Variants in SEMA5A observed in about 807,000 individuals in gnomAD.
SEMA5A encodes the protein semaphorin-5A.
A neutral mutation model predicts 135.5 loss-of-function variants in SEMA5A; 55 were observed. That is an observed-to-expected ratio of 0.41 (90% CI 0.33 to 0.51). The LOEUF (loss-of-function observed/expected upper bound fraction) is 0.51, where lower values mean the gene tolerates loss of function less well. Among genes scored for constraint, SEMA5A ranks in the 20% least tolerant of loss-of-function variants. SEMA5A has a pLI of 0.37. For synonymous variants in SEMA5A, 580 were observed against 546.5 expected (o/e 1.06, Z -0.85); for missense variants, 1,290 against 1,419.9 (o/e 0.91, Z 1.47).
chr5:9,446,578 C>T (rs960777318), intron 1 of SEMA5A, among the ~76,000 whole-genome samples: 3 of 152,060 alleles, frequency 2.0e-5, no homozygotes, highest in African/African-American at 7.2e-5. Context: ...TCCACTCTGA[C>T]AGCTAAATTG....
chr5:9,057,973 T>C (rs1013534044), intron 18 of SEMA5A, among the ~76,000 whole-genome samples: 1 of 152,164 alleles, frequency 6.6e-6, no homozygotes, highest in African/African-American at 2.4e-5. Context: ...ACACAGATCT[T>C]AATGAAATAG....
chr5:9,207,114 A>ATATATATATG (rs779459839), intron 8 of SEMA5A, among the ~76,000 whole-genome samples: 7,839 of 132,360 alleles, frequency 0.059, 431 homozygotes, highest in Middle Eastern at 0.094. Context: ...ATATATATAT[A>ATATATATATG]TATATATATA....
intron 5 of SEMA5A, among the ~76,000 whole-genome samples, chr5:9,267,415 A>C (rs1805936): frequency 1.1e-4 from 16 of 152,008 alleles, no homozygotes; most frequent in Admixed American, 4.6e-4. Context: ...TACTTTAGGA[A>C]GTTCTTCCTT....
chr5:9,199,210 A>C (rs1745573840), intron 9 of SEMA5A, among the ~76,000 whole-genome samples: 1 of 152,096 alleles, frequency 6.6e-6, no homozygotes, highest in Non-Finnish European at 1.5e-5. Flanking sequence ...CTCTGGTGTC[A>C]CCCAGAGACT....
intron 5 of SEMA5A, among the ~76,000 whole-genome samples, chr5:9,299,245 G>A (rs1050173734): frequency 2.6e-5 from 4 of 152,174 alleles, no homozygotes; most frequent in African/African-American, 9.7e-5. Flanking sequence ...TATTAGAACT[G>A]CGGGTAAGAG....
chr5:9,358,309 G>T (rs1169722503), intron 3 of SEMA5A, among the ~76,000 whole-genome samples: 5 of 152,134 alleles, frequency 3.3e-5, no homozygotes, highest in Non-Finnish European at 7.4e-5. Context: ...GTGCAATTTT[G>T]GTTCTAACTG....
intron 2 of SEMA5A, among the ~76,000 whole-genome samples, chr5:9,401,508 C>T (rs141498301): frequency 0.021 from 3,122 of 152,244 alleles, 48 homozygotes; most frequent in Non-Finnish European, 0.03. Context: ...TCAGCATCCC[C>T]GTGTGGTCCT....
At chr5:9,456,565 T>G (rs988334933) in intron 1 of SEMA5A, among the ~76,000 whole-genome samples, 5 of 152,188 alleles carry the variant, frequency 3.3e-5, no homozygotes, top group South Asian at 4.1e-4. Flanking sequence ...AGATGTGTCA[T>G]GGCCTCAGAC....
chr5:9,422,123 C>T (rs10074529), intron 2 of SEMA5A, among the ~76,000 whole-genome samples: 129,123 of 152,184 alleles, frequency 0.85, 55,278 homozygotes, highest in Middle Eastern at 0.95. Context: ...AGATCCAGTA[C>T]AAATAAAACT....
chr5:9,048,594 G>A (rs546376269), intron 21 of SEMA5A, among the ~76,000 whole-genome samples: 10 of 152,200 alleles, frequency 6.6e-5, no homozygotes, highest in African/African-American at 2.4e-4. Flanking sequence ...CAGGTGTCAC[G>A]TAATATAGAG....
chr5:9,529,510 C>G (rs943529422), intron 1 of SEMA5A, among the ~76,000 whole-genome samples: 2 of 152,170 alleles, frequency 1.3e-5, no homozygotes, highest in African/African-American at 4.8e-5. Context: ...GAAATTACTA[C>G]TAATATATTT....
At chr5:9,154,093 A>ATATATATGTGTGTGTG (rs372321939) in intron 12 of SEMA5A, among the ~76,000 whole-genome samples, 49 of 73,446 alleles carry the variant, frequency 6.7e-4, no homozygotes, top group African/African-American at 2.5e-3. Context: ...ATATATATAT[A>ATATATATGTGTGTGTG]TGTGTGTGTG....
chr5:9,293,447 A>G (rs1303936411), intron 5 of SEMA5A, among the ~76,000 whole-genome samples: 1 of 152,236 alleles, frequency 6.6e-6, no homozygotes, highest in Non-Finnish European at 1.5e-5. Flanking sequence ...AGAGGAAGTT[A>G]TCACCAAGGG....
intron 3 of SEMA5A, among the ~76,000 whole-genome samples, chr5:9,358,705 T>C (rs190050538): frequency 6.6e-6 from 1 of 152,308 alleles, no homozygotes; most frequent in East Asian, 1.9e-4. Flanking sequence ...AACACATTGA[T>C]GAATGAATGA....
chr5:9,458,193 C>T (rs1758919545), intron 1 of SEMA5A, among the ~76,000 whole-genome samples: 1 of 151,142 alleles, frequency 6.6e-6, no homozygotes, highest in Admixed American at 6.6e-5. Context: ...AGGCGTGAGC[C>T]ACCGCGCCTG....
At chr5:9,100,537 G>A (rs961808911) in intron 16 of SEMA5A, among the ~76,000 whole-genome samples, 7 of 152,110 alleles carry the variant, frequency 4.6e-5, no homozygotes, top group African/African-American at 1.4e-4. Flanking sequence ...CAGTTCTGCT[G>A]CCCTTAGCAG....
chr5:9,449,671 G>A (rs1438765337), intron 1 of SEMA5A, among the ~76,000 whole-genome samples: 1 of 151,950 alleles, frequency 6.6e-6, no homozygotes, highest in African/African-American at 2.4e-5. Context: ...TATCCCTAAA[G>A]TTAGCTTTAA....
At chr5:9,191,794 A>G (rs1468507520) in intron 10 of SEMA5A, among the ~76,000 whole-genome samples, 1 of 152,270 alleles carries the variant, frequency 6.6e-6, no homozygotes, top group Non-Finnish European at 1.5e-5. Context: ...TCCACAGGCA[A>G]GGACTGTGTG....
rs77809812 is a variant in SEMA5A at position 9,345,695 on chromosome 5, A to T, written c.125-7883T>A. ...GCAAGCATCCTCCTTCAAACTACCC[A>T]GTATAAGAACAAGAAAGCTCTTGCA... On this transcript the variant is annotated intron_variant, in intron 3 of 22. Coordinates refer to ENST00000382496, the MANE Select transcript of SEMA5A (RefSeq NM_003966.3). Among the ~76,000 whole-genome samples, 37 of 152,314 alleles carry T rather than the reference A, an allele frequency of 2.4e-4. 2 individuals are homozygous for T. The East Asian group carries it at 6.7e-3, about 28-fold the overall frequency.
Sources: gnomAD v4.1 joint callset for allele counts (sites outside exome capture counted in the v4.1 genomes callset) on GRCh38, gnomAD v4.1.1 for gene constraint, MANE v1.5 for transcripts, NCBI Gene and HGNC (gene_info 2026-07-23, HGNC 2026-07-21) for gene names.